GFUS: variants seen among roughly 807,000 people sequenced by gnomAD.
GFUS encodes 3-5 epimerase/4-reductase.
A neutral mutation model predicts 41.5 loss-of-function variants in GFUS; 42 were observed. The observed-to-expected ratio is 1.01, with a 90% CI of 0.79 to 1.31. The LOEUF (loss-of-function observed/expected upper bound fraction) is 1.31. Among genes scored for constraint, GFUS ranks in the 50% most tolerant of loss-of-function variants. GFUS has a pLI of 0.00. For missense variants in GFUS, 437 were observed against 428.7 expected, an observed-to-expected ratio of 1.02 and a Z score of -0.17; for synonymous variants, 188 against 173.4, an observed-to-expected ratio of 1.08 and a Z score of -0.66.
chr8:143,616,621 G>A lies in GFUS; in HGVS notation c.92C>T (p.Ala31Val), dbSNP rs376024350. 1 of 1,613,756 alleles carries A rather than the reference G, an allele frequency of 6.2e-7. No homozygotes were observed. The highest frequency in any genetic ancestry group is 1.3e-5 in the African/African-American group (1 of 74,914). The part of the protein sequence containing the change: ...KAIQKVVADG[A>V]GLPGEDWVFV... ...CACCCAGTCCTCTCCAGGAAGTCCA[G>A]CTCCATCTGCTACCACCTTCTGGAT... Residue 31 changes from alanine to valine, a missense_variant, in exon 2 of 11, where the codon GCT (alanine) becomes GTT (valine). Transcript: ENST00000425753.
rs578010107 is a variant in GFUS, at chr8:143,617,478, G to T, written c.-16C>A. ...CTGAGTCCGGTGCCACCTCACCTGC[G>T]TCCAGCCCCACCGCCGGCTCCCCGA... is the stretch of plus-strand genomic sequence containing the variant. On this transcript the variant is annotated 5_prime_UTR_variant, in exon 1 of 11. Transcript: ENST00000425753. 1 of 152,290 alleles carries T rather than the reference G, an allele frequency of 6.6e-6. No homozygotes were observed. The highest frequency in any genetic ancestry group is 1.5e-5 in the Non-Finnish European group (1 of 68,074). 9.4% of individuals were successfully genotyped at this position (152,290 alleles called of 1,614,324 possible).
rs372135231 is a variant in GFUS, at chr8:143,613,479, C to T, written c.810+45G>A. 3.1e-6 allele frequency: 5 copies of T among 1,599,518 alleles called. No individual in the cohort carries two copies. The African/African-American group carries it at 6.7e-5, about 21-fold the overall frequency. On this transcript the variant is annotated intron_variant, in intron 9 of 10. Transcript: ENST00000425753. Reference sequence around the variant, plus strand: ...TACACCGGGTGGCCACTGAGCCCGCCCAAGGGGCCCCCGCCCAACCCCCAG... The same window carrying T: ...TACACCGGGTGGCCACTGAGCCCGCTCAAGGGGCCCCCGCCCAACCCCCAG...
rs759797319 is a variant in GFUS, at chr8:143,614,763, C to G, written c.390+24G>C. The G allele has an allele frequency of 1.1e-5, 18 of 1,613,466 alleles. No individual in the cohort carries two copies. The South Asian group carries it at 1.9e-4, about 17-fold the overall frequency. The stretch of plus-strand genomic sequence containing the variant: ...CTGCCCACCGGCTCCCCGGCCCCAC[C>G]CACAGCCAGGCCCTGCCCCTCACCA... On this transcript the variant is annotated intron_variant, in intron 4 of 10. Transcript: ENST00000425753.
At chr8:143,616,816 C>G in intron 1 of GFUS, 93 bp from the exon 2 acceptor site, 1 of 1,480,396 alleles carries the variant, frequency 6.8e-7, no homozygotes, top group South Asian at 1.2e-5. Flanking sequence ...GTGAGGCCCT[C>G]AGAGTGGGGC....
In GFUS at chr8:143,616,652, T is replaced by C; in HGVS notation, c.61A>G (p.Lys21Glu). ...LVTGGSGLVG[K>E]AIQKVVADGA... The stretch of plus-strand genomic sequence containing the variant: ...TCTGCTACCACCTTCTGGATGGCTT[T>C]GCCTACCAGCCCAGAGCCCCCTGTC... The change falls in exon 2 of 11, where the codon AAA becomes GAA. Residue 21 changes from lysine (K) to glutamate (E), a missense_variant. Coordinates refer to ENST00000425753, the MANE Select transcript of GFUS (RefSeq NM_003313.4). The C allele has an allele frequency of 6.2e-7, 1 of 1,613,868 alleles. No individual in the cohort carries two copies. Among genetic ancestry groups the C allele is most frequent in the Non-Finnish European group, 8.5e-7 (1 of 1,180,012 alleles).
At chr8:143,617,006 CCT>C (rs1199966108) in intron 1 of GFUS, 2 of 458,700 alleles carry the variant, frequency 4.4e-6, no homozygotes, top group Non-Finnish European at 4.0e-6. Context: ...ATTCTACTCC[CCT>C]CTGACTGACA....
At chr8:143,615,056 G>T in intron 3 of GFUS, 141 bp from the exon 4 acceptor site, 1 of 1,339,738 alleles carries the variant, frequency 7.5e-7, no homozygotes, top group Non-Finnish European at 1.0e-6. Flanking sequence ...AACCGTTTCC[G>T]GACAAGGCAG....
chr8:143,613,754 A>G lies in GFUS; in HGVS notation c.727T>C (p.Ser243Pro), dbSNP rs1235136631. 1 of 1,551,298 alleles carries G rather than the reference A, an allele frequency of 6.4e-7. No homozygotes were observed. ...GGCTGAGGGCTGAGGTACCCACCGG[A>G]GAGGATGATGGGCTCCACTTCATTG... ...EYNEVEPIIL[S>P]VGEEDEVSIK... Residue 243 changes from serine to proline, a missense_variant, in exon 8 of 11, where the codon TCC (serine) becomes CCC (proline). Ser to Pro is a moderately conservative substitution (Grantham distance 74, BLOSUM62 -1). Transcript: ENST00000425753.
chr8:143,613,657 A>G, intron 8 of GFUS, 54 bp from the exon 9 acceptor site: 1 of 1,596,664 alleles, frequency 6.3e-7, no homozygotes. Context: ...ACGGCCCATG[A>G]ATATTCCTGC....
chr8:143,617,661 G>A (rs1829763710), upstream of GFUS: 1 of 152,162 alleles, frequency 6.6e-6, no homozygotes, highest in African/African-American at 2.4e-5. Context: ...AAAGCCGCTT[G>A]GGAAGCGCAG....
At chr8:143,616,042 G>A (rs577707317) in intron 3 of GFUS, 64 bp downstream of exon 3, 66 of 1,386,320 alleles carry the variant, frequency 4.8e-5, no homozygotes, top group Middle Eastern at 4.5e-4. Flanking sequence ...TGGGAAGCCC[G>A]CCAGGAAGTT....
intron 3 of GFUS, 59 bp from the exon 4 acceptor site, chr8:143,614,974 G>C: frequency 6.5e-7 from 1 of 1,545,676 alleles, no homozygotes; most frequent in African/African-American, 1.4e-5. Flanking sequence ...GCCCTTACCT[G>C]CTCCTCCAGA....
intron 7 of GFUS, among the ~76,000 whole-genome samples, 153 bp downstream of exon 7, chr8:143,614,011 G>C (rs1403162563): frequency 6.6e-6 from 1 of 152,176 alleles, no homozygotes; most frequent in African/African-American, 2.4e-5. Context: ...GGGCCTCCAC[G>C]AGGACCAGAG....
rs376454473 is a variant in GFUS, at chr8:143,614,240, G to T, written c.599-12C>A. 2 of 1,613,764 alleles carry T rather than the reference G, an allele frequency of 1.2e-6. No homozygotes were observed. The highest frequency in any genetic ancestry group is 1.7e-6 in the Non-Finnish European group (2 of 1,180,012). Reference sequence around the variant, plus strand: ...GGCCGAGCCGCTGCCTGCAGATTTGGGGAAGGAGCAGGTGTCAGAGGCACT... The same window carrying T: ...GGCCGAGCCGCTGCCTGCAGATTTGTGGAAGGAGCAGGTGTCAGAGGCACT... On this transcript the variant is annotated splice_polypyrimidine_tract_variant and intron_variant, in intron 6 of 10. Coordinates refer to ENST00000425753, the MANE Select transcript of GFUS (RefSeq NM_003313.4).
At position 143,614,581 on chromosome 8, in the gene GFUS, TC is replaced by T. The variant is rs745458705; in HGVS notation, c.464+42del. 17 of 1,560,552 alleles carry T rather than the reference TC, an allele frequency of 1.1e-5. No individual in the cohort carries two copies. In the African/African-American group the frequency reaches 2.0e-4, roughly 19 times the overall value. On this transcript the variant is annotated intron_variant, in intron 5 of 10. Coordinates refer to ENST00000425753, the MANE Select transcript of GFUS (RefSeq NM_003313.4). ...GCCCCACCCGCCCCTGGGGGCCCTC[TC>T]CCCGACTCCTGGCTGGGCCTCAGCA...
intron 2 of GFUS, 116 bp downstream of exon 2, chr8:143,616,451 G>A (rs1228360818): frequency 4.6e-6 from 7 of 1,520,578 alleles, no homozygotes; most frequent in Non-Finnish European, 6.3e-6. Context: ...CTGGCAGGAA[G>A]GACCCAGAAA....
rs1408364858 is a variant in GFUS, at chr8:143,616,568, T to A, written c.145A>T (p.Thr49Ser). The change falls in exon 2 of 11, where the codon ACG (threonine) becomes TCG (serine). Residue 49 changes from threonine to serine, a missense_variant and splice_region_variant. By Grantham distance (58) the Thr-to-Ser change is moderately conservative (BLOSUM62 1). Coordinates refer to ENST00000425753, the MANE Select transcript of GFUS (RefSeq NM_003313.4). ...TGATCTGGGGATGGGCTCACTCACG[T>A]GAGATCGGCGTCTTTAGAGGAGACA... is the stretch of plus-strand genomic sequence containing the variant. Reference protein sequence around the residue: ...VFVSSKDADLTDTAQTRALFE... With the variant: ...VFVSSKDADLSDTAQTRALFE... The A allele has an allele frequency of 6.2e-7, 1 of 1,611,476 alleles. No individual in the cohort carries two copies. Among genetic ancestry groups the A allele is most frequent in the East Asian group, 2.2e-5 (1 of 44,864 alleles).
At position 143,616,673 on chromosome 8, in the gene GFUS, CT is replaced by C. The variant is rs759823969; in HGVS notation, c.39del (p.Gly15AlafsTer5). 3 of 1,613,624 alleles carry C rather than the reference CT, an allele frequency of 1.9e-6. No homozygotes were observed. The highest frequency in any genetic ancestry group is 1.1e-5 in the South Asian group (1 of 91,078). Reference sequence around the variant, plus strand: ...GCTTTGCCTACCAGCCCAGAGCCCCCTGTCACTAGAATCCGCATGGATCCCT... The same window carrying C: ...GCTTTGCCTACCAGCCCAGAGCCCCCGTCACTAGAATCCGCATGGATCCCT... ...EPQGSMRILV[T>X]GGSGLVGKAI... On this transcript the variant is annotated frameshift_variant, in exon 2 of 11. Transcript: ENST00000425753. LOFTEE classifies it high-confidence loss of function.
intron 7 of GFUS, 130 bp from the exon 8 acceptor site, chr8:143,613,947 T>C: frequency 8.3e-7 from 1 of 1,203,918 alleles, no homozygotes; most frequent in Non-Finnish European, 1.2e-6. Context: ...GGTCCCTCCT[T>C]TCTCCCTTGG....
Sources: allele counts gnomAD v4.1 joint callset (sites outside exome capture counted in the v4.1 genomes callset), GRCh38; gene constraint gnomAD v4.1.1; transcripts MANE v1.5; gene names NCBI Gene and HGNC (gene_info 2026-07-23, HGNC 2026-07-21).